The following LSMEM1 variants were observed in gnomAD, a reference collection of about 807,000 sequenced individuals.
LSMEM1 encodes the protein leucine-rich single-pass membrane protein 1.
LSMEM1 carries 10 observed loss-of-function variants against 11.3 expected under a neutral mutation model. The observed-to-expected ratio is 0.89, with a 90% confidence interval of 0.55 to 1.50. The LOEUF (loss-of-function observed/expected upper bound fraction) is 1.50. Among genes scored for constraint, LSMEM1 ranks in the 40% most tolerant of loss-of-function variants. The pLI is 0.00. For synonymous variants in LSMEM1, 65 were observed against 59.3 expected (o/e 1.10, Z -0.44); for missense variants, 151 against 152.9 (o/e 0.99, Z 0.06).
intron 3 of LSMEM1, among the ~76,000 whole-genome samples, chr7:112,488,278 G>C (rs1796175354): frequency 6.6e-6 from 1 of 152,180 alleles, no homozygotes; most frequent in Non-Finnish European, 1.5e-5. Flanking sequence ...TACTGAACCA[G>C]CAATGCCAGA....
At chr7:112,489,162 T>A (rs1444812291) in intron 3 of LSMEM1, among the ~76,000 whole-genome samples, 4 of 152,202 alleles carry the variant, frequency 2.6e-5, no homozygotes, top group Non-Finnish European at 4.4e-5. Context: ...AGAAGAGTGT[T>A]TTTTTACTGG....
rs552123088 is a variant in LSMEM1, at chr7:112,486,649, G to A, written c.128-274G>A. Among the ~76,000 whole-genome samples the A allele has an allele frequency of 2.6e-5, 4 of 152,242 alleles. No individual in the cohort carries two copies. In the South Asian group the frequency reaches 6.2e-4, roughly 24 times the overall value. The stretch of plus-strand genomic sequence containing the variant: ...AACTTAGCGGGACGTGGTGGCGGGG[G>A]CCTGTAGTCCCAGCTACTCGGGAGG... On this transcript the variant is annotated intron_variant, in intron 2 of 3. Transcript: ENST00000312849.
intron 3 of LSMEM1, among the ~76,000 whole-genome samples, chr7:112,487,467 T>C (rs1487618128): frequency 6.6e-6 from 1 of 152,246 alleles, no homozygotes; most frequent in Non-Finnish European, 1.5e-5. Context: ...CTCACTTGCA[T>C]ATCATCCTAG....
upstream of LSMEM1, among the ~76,000 whole-genome samples, chr7:112,480,465 T>A (rs143350128): frequency 8.1e-4 from 124 of 152,332 alleles, no homozygotes; most frequent in African/African-American, 2.8e-3. Flanking sequence ...GAAGTGAGGA[T>A]GATAAAGGAT....
chr7:112,481,991 A>G (rs1203102658), intron 1 of LSMEM1, among the ~76,000 whole-genome samples: 1 of 152,238 alleles, frequency 6.6e-6, no homozygotes, highest in East Asian at 1.9e-4. Context: ...GATGCCAAAG[A>G]TAGCAACTAC....
Position 112,490,068 on chromosome 7 carries a change from AC to A in LSMEM1, c.*122del. On this transcript the variant is annotated 3_prime_UTR_variant, in exon 4 of 4. Coordinates refer to ENST00000312849, the MANE Select transcript of LSMEM1 (RefSeq NM_182597.3). ...AGGCAACAGATGATCTGGTCAGGCA[AC>A]CCACCCCTGGGGCCCACTTTCTGCA... 8.2e-7 allele frequency: 1 copy of A among 1,216,680 alleles called. No individual in the cohort carries two copies. Among genetic ancestry groups the A allele is most frequent in the Non-Finnish European group, 1.1e-6 (1 of 886,816 alleles). 75.4% of individuals were successfully genotyped at this position (1,216,680 alleles called of 1,614,324 possible). A position where few individuals can be genotyped will look rare whatever the true frequency, so the allele number is the denominator to read the frequency against.
chr7:112,480,768 C>T, upstream of LSMEM1: 1 of 455,470 alleles, frequency 2.2e-6, no homozygotes, highest in South Asian at 1.6e-5. Flanking sequence ...ACTGGAAGCA[C>T]TAGGCGTCTG....
rs376762563 is a variant in LSMEM1, at chr7:112,487,060, C to A, written c.256+9C>A. On this transcript the variant is annotated intron_variant, in intron 3 of 3. Transcript: ENST00000312849. Reference sequence around the variant, plus strand: ...CGTGATATTTCTAATAGGTAAGTACCACCACAGGTTTCTTTTTTATTACTT... The same window carrying A: ...CGTGATATTTCTAATAGGTAAGTACAACCACAGGTTTCTTTTTTATTACTT... The A allele has an allele frequency of 6.2e-7, 1 of 1,611,528 alleles. No individual in the cohort carries two copies. The highest frequency in any genetic ancestry group is 2.2e-5 in the East Asian group (1 of 44,862).
At chr7:112,489,680 A>G (rs1796200317) in intron 3 of LSMEM1, 130 bp from the exon 4 acceptor site, 2 of 1,015,078 alleles carry the variant, frequency 2.0e-6, no homozygotes, top group African/African-American at 1.6e-5. Context: ...TCTGGCATGC[A>G]TGGATATGGG....
chr7:112,490,081 G>T lies in LSMEM1; in HGVS notation c.*132G>T. The T allele has an allele frequency of 2.0e-6, 2 of 1,012,190 alleles. No individual in the cohort carries two copies. The highest frequency in any genetic ancestry group is 2.8e-6 in the Non-Finnish European group (2 of 708,086). 62.7% of individuals were successfully genotyped at this position (1,012,190 alleles called of 1,614,324 possible). On this transcript the variant is annotated 3_prime_UTR_variant, in exon 4 of 4. Transcript: ENST00000312849. ...TCTGGTCAGGCAACCCACCCCTGGG[G>T]CCCACTTTCTGCAGCAAGATGGGAG...
intron 3 of LSMEM1, among the ~76,000 whole-genome samples, chr7:112,487,705 C>G (rs1285921507): frequency 6.6e-6 from 1 of 152,264 alleles, no homozygotes; most frequent in Non-Finnish European, 1.5e-5. Context: ...TCAGCGCCAC[C>G]CTCCTCTCTG....
chr7:112,484,357 C>T (rs1796087377), intron 1 of LSMEM1, among the ~76,000 whole-genome samples: 1 of 152,218 alleles, frequency 6.6e-6, no homozygotes. Flanking sequence ...TTTGTGGCCA[C>T]TGCTGACTAG....
rs775589028 is a variant in LSMEM1 at position 112,491,038 on chromosome 7, G to C, written c.*1089G>C. The stretch of plus-strand genomic sequence containing the variant: ...CACTTTACAATACTAAATAGTTAAT[G>C]AAATAAACACATTTTGCTTACCCAG... On this transcript the variant is annotated 3_prime_UTR_variant, in exon 4 of 4. Transcript: ENST00000312849. 6 of 152,064 alleles carry C rather than the reference G, an allele frequency of 3.9e-5. No homozygotes were observed. The East Asian group carries it at 9.6e-4, about 24-fold the overall frequency. 9.4% of individuals were successfully genotyped at this position (152,064 alleles called of 1,614,324 possible). A position where few individuals can be genotyped will look rare whatever the true frequency, so the allele number is the denominator to read the frequency against.
intron 1 of LSMEM1, among the ~76,000 whole-genome samples, chr7:112,483,904 A>G (rs1012941599): frequency 5.9e-5 from 9 of 152,226 alleles, no homozygotes; most frequent in Non-Finnish European, 1.3e-4. Context: ...TTTTATAGTA[A>G]TTGAAATTTG....
rs1182784268 is a variant in LSMEM1 at position 112,490,635 on chromosome 7, G to A, written c.*686G>A. The A allele has an allele frequency of 6.6e-6, 1 of 152,186 alleles. No individual in the cohort carries two copies. Among genetic ancestry groups the A allele is most frequent in the Non-Finnish European group, 1.5e-5 (1 of 68,040 alleles). 9.4% of individuals were successfully genotyped at this position (152,186 alleles called of 1,614,324 possible). A position where few individuals can be genotyped will look rare whatever the true frequency, so the allele number is the denominator to read the frequency against. ...ACTCAAGAGGAGCTCACATAAGAGT[G>A]CAGGATAAAGAAAGGAGATGGACAG... On this transcript the variant is annotated 3_prime_UTR_variant, in exon 4 of 4. Transcript: ENST00000312849.
intron 1 of LSMEM1, among the ~76,000 whole-genome samples, chr7:112,482,525 G>A (rs1796050832): frequency 1.3e-5 from 2 of 152,192 alleles, no homozygotes; most frequent in African/African-American, 2.4e-5. Context: ...ACCTAAAATA[G>A]AAGCTGTGTG....
intron 1 of LSMEM1, among the ~76,000 whole-genome samples, chr7:112,482,800 C>T (rs186231587): frequency 6.6e-6 from 1 of 152,010 alleles, no homozygotes; most frequent in Admixed American, 6.5e-5. Context: ...AAGTCATTTC[C>T]TTAGGAATGC....
chr7:112,485,019 G>T, intron 2 of LSMEM1, 76 bp downstream of exon 2: 1 of 1,457,912 alleles, frequency 6.9e-7, no homozygotes, highest in South Asian at 1.3e-5. Context: ...CTGACTGGAT[G>T]TGTGGGTGTG....
In LSMEM1 at chr7:112,484,947, T is replaced by A; in HGVS notation, c.127+4T>A. The A allele has an allele frequency of 6.2e-7, 1 of 1,606,300 alleles. No homozygotes were observed. The highest frequency in any genetic ancestry group is 8.5e-7 in the Non-Finnish European group (1 of 1,175,160). On this transcript the variant is annotated splice_donor_region_variant and intron_variant, in intron 2 of 3. Coordinates refer to ENST00000312849, the MANE Select transcript of LSMEM1 (RefSeq NM_182597.3). ...GCCGGATCGCAGCATCTGTTCCGTATGTGTGCTGGGGAAGGCACAGCAGCC... is the reference window on the plus strand; with the variant it reads ...GCCGGATCGCAGCATCTGTTCCGTAAGTGTGCTGGGGAAGGCACAGCAGCC...
Sources: allele counts gnomAD v4.1 joint callset (sites outside exome capture counted in the v4.1 genomes callset), GRCh38; gene constraint gnomAD v4.1.1; transcripts MANE v1.5; gene names NCBI Gene and HGNC (gene_info 2026-07-23, HGNC 2026-07-21).